The following SPOCK3 variants were observed in gnomAD, a reference collection of about 807,000 sequenced individuals.
SPOCK3 encodes the protein testican-3.
Under a neutral mutation model 56.6 loss-of-function variants are expected in SPOCK3, and 30 were observed. The ratio of observed to expected loss-of-function variants is 0.53; its 90% CI spans 0.40 to 0.72. The LOEUF (loss-of-function observed/expected upper bound fraction) is 0.72. Ranked by LOEUF, SPOCK3 falls within the 30% of genes least tolerant of loss-of-function variation. The pLI, the probability that SPOCK3 is intolerant of heterozygous loss-of-function variation, is 0.00. For synonymous variants in SPOCK3, 196 were observed against 183.3 expected (o/e 1.07, Z -0.56); for missense variants, 527 against 530.0 (o/e 0.99, Z 0.06).
intron 2 of SPOCK3, among the ~76,000 whole-genome samples, chr4:167,171,901 C>T (rs1730531894): frequency 6.6e-6 from 1 of 151,422 alleles, no homozygotes; most frequent in Admixed American, 6.6e-5. Flanking sequence ...AAGAAGATTA[C>T]CACCCCCCAC....
intron 2 of SPOCK3, among the ~76,000 whole-genome samples, chr4:167,096,621 T>C (rs1759179688): frequency 6.6e-6 from 1 of 151,882 alleles, no homozygotes; most frequent in African/African-American, 2.4e-5. Context: ...TGAGAACATA[T>C]TTTCAATTAT....
At chr4:166,921,224 A>T (rs1378718595) in intron 4 of SPOCK3, among the ~76,000 whole-genome samples, 1 of 152,204 alleles carries the variant, frequency 6.6e-6, no homozygotes, top group East Asian at 1.9e-4. Flanking sequence ...GTAATTAATA[A>T]AATTTAAAAG....
At chr4:167,186,931 C>G (rs1027053815) in intron 2 of SPOCK3, among the ~76,000 whole-genome samples, 1 of 144,198 alleles carries the variant, frequency 6.9e-6, no homozygotes, top group Non-Finnish European at 1.5e-5. Context: ...GAGCCGAGAT[C>G]GTGCCACTGC....
intron 9 of SPOCK3, among the ~76,000 whole-genome samples, chr4:166,738,794 T>A (rs1401245570): frequency 1.3e-5 from 2 of 151,908 alleles, no homozygotes; most frequent in Non-Finnish European, 2.9e-5. Context: ...ATAAAGGACA[T>A]GAACTCATCA....
intron 2 of SPOCK3, among the ~76,000 whole-genome samples, chr4:167,131,778 A>C (rs1056856705): frequency 2.0e-5 from 3 of 152,186 alleles, no homozygotes; most frequent in African/African-American, 7.2e-5. Context: ...CAATTTAAAC[A>C]TTTTCAAAAG....
intron 6 of SPOCK3, among the ~76,000 whole-genome samples, chr4:166,857,568 G>A (rs929762586): frequency 1.3e-5 from 2 of 152,172 alleles, no homozygotes; most frequent in Non-Finnish European, 2.9e-5. Context: ...AGGAATTTCA[G>A]AGTCATCTTC....
At chr4:166,927,896 A>G (rs1739299396) in intron 4 of SPOCK3, among the ~76,000 whole-genome samples, 1 of 152,192 alleles carries the variant, frequency 6.6e-6, no homozygotes, top group Non-Finnish European at 1.5e-5. Flanking sequence ...AGAAAAAAAA[A>G]TGCAACTTAA....
chr4:166,969,636 A>G (rs908872541), intron 4 of SPOCK3, among the ~76,000 whole-genome samples: 3 of 151,292 alleles, frequency 2.0e-5, no homozygotes, highest in African/African-American at 7.3e-5. Flanking sequence ...CCCTTCTACC[A>G]TAACTGTAAG....
intron 2 of SPOCK3, among the ~76,000 whole-genome samples, chr4:167,106,357 AAATTAAACAAATATGCTCCTTAAT>A (rs1174614147): frequency 1.3e-5 from 2 of 151,972 alleles, no homozygotes; most frequent in African/African-American, 4.8e-5. Flanking sequence ...AAACACATGG[AAATTAAACAAATATGCTCCTTAAT>A]GACCATTGTG....
intron 4 of SPOCK3, among the ~76,000 whole-genome samples, chr4:166,990,940 G>A (rs1747717458): frequency 6.6e-6 from 1 of 151,972 alleles, no homozygotes; most frequent in African/African-American, 2.4e-5. Flanking sequence ...ATATGTAAAG[G>A]ACTAATTAAG....
chr4:167,225,102 C>A (rs947473374), intron 2 of SPOCK3, among the ~76,000 whole-genome samples: 4 of 152,002 alleles, frequency 2.6e-5, no homozygotes, highest in African/African-American at 9.7e-5. Context: ...TAAAAGTTTC[C>A]AAAATATACA....
At chr4:166,939,153 T>A (rs1243857385) in intron 4 of SPOCK3, among the ~76,000 whole-genome samples, 1 of 152,078 alleles carries the variant, frequency 6.6e-6, no homozygotes, top group African/African-American at 2.4e-5. Flanking sequence ...AAAGTGACCC[T>A]CAGAAAGAAA....
chr4:167,207,652 T>A (rs1734480693), intron 2 of SPOCK3, among the ~76,000 whole-genome samples: 1 of 152,158 alleles, frequency 6.6e-6, no homozygotes, highest in Admixed American at 6.6e-5. Flanking sequence ...TGAAGCATGT[T>A]AGACAATTTT....
intron 3 of SPOCK3, among the ~76,000 whole-genome samples, chr4:167,045,266 T>C (rs1225213031): frequency 2.0e-5 from 3 of 152,100 alleles, no homozygotes; most frequent in Non-Finnish European, 4.4e-5. Flanking sequence ...CATTCACTTT[T>C]AATCTATACG....
At chr4:166,954,400 C>A (rs535895002) in intron 4 of SPOCK3, among the ~76,000 whole-genome samples, 1 of 151,978 alleles carries the variant, frequency 6.6e-6, no homozygotes, top group Non-Finnish European at 1.5e-5. Flanking sequence ...TGGAAGTTTT[C>A]CCCTATGATT....
chr4:166,866,068 G>T (rs1560949378), intron 6 of SPOCK3, among the ~76,000 whole-genome samples: 1 of 152,244 alleles, frequency 6.6e-6, no homozygotes, highest in East Asian at 1.9e-4. Flanking sequence ...GCATGGTACT[G>T]GTACCAAGAC....
At chr4:166,936,090 A>G (rs1437875525) in intron 4 of SPOCK3, among the ~76,000 whole-genome samples, 2 of 152,166 alleles carry the variant, frequency 1.3e-5, no homozygotes, top group Non-Finnish European at 2.9e-5. Context: ...TGAGAAGATT[A>G]TAAGTTTTAT....
chr4:167,222,655 A>C (rs1410001448), intron 2 of SPOCK3, among the ~76,000 whole-genome samples: 9 of 138,852 alleles, frequency 6.5e-5, no homozygotes, highest in East Asian at 2.1e-4. Context: ...ATTCATATAT[A>C]AATATATAAA....
chr4:167,011,690 C>T (rs1750082428), intron 3 of SPOCK3, among the ~76,000 whole-genome samples: 1 of 151,908 alleles, frequency 6.6e-6, no homozygotes, highest in Admixed American at 6.6e-5. Context: ...ATTAGTTGGC[C>T]ATATAAACAT....
Sources: allele counts gnomAD v4.1 joint callset (sites outside exome capture counted in the v4.1 genomes callset), GRCh38; gene constraint gnomAD v4.1.1; transcripts MANE v1.5; gene names NCBI Gene and HGNC (gene_info 2026-07-23, HGNC 2026-07-21).